UCHL3: variants seen among roughly 807,000 people sequenced by gnomAD.
UCHL3 encodes ubiquitin C-terminal hydrolase L3, also known as ubiquitin carboxyl-terminal hydrolase isozyme L3.
A neutral mutation model predicts 35.8 loss-of-function variants in UCHL3; 22 were observed. The ratio of observed to expected loss-of-function variants is 0.61; its 90% CI spans 0.44 to 0.88. The LOEUF is 0.88. Among genes scored for constraint, UCHL3 ranks in the 40% least tolerant of loss-of-function variants. The probability of loss-of-function intolerance (pLI) is 0.00; values close to 1 mark genes in which losing one functional copy is unlikely to be tolerated. For missense variants in UCHL3, 229 were observed against 276.9 expected, an observed-to-expected ratio of 0.83 and a Z score of 1.23; for synonymous variants, 90 against 92.8, an observed-to-expected ratio of 0.97 and a Z score of 0.17.
At chr13:75,578,956 A>G (rs1297001007) in intron 6 of UCHL3, among the ~76,000 whole-genome samples, 2 of 152,124 alleles carry the variant, frequency 1.3e-5, no homozygotes, top group Non-Finnish European at 2.9e-5. Context: ...TGTCAGTGGC[A>G]GTAAATAGTA....
chr13:75,562,708 A>C (rs1385181607), intron 3 of UCHL3, among the ~76,000 whole-genome samples: 1 of 152,168 alleles, frequency 6.6e-6, no homozygotes, highest in Admixed American at 6.5e-5. Context: ...TTAAAAAGGC[A>C]TATTATCCTT....
intron 1 of UCHL3, 42 bp from the exon 2 acceptor site, chr13:75,549,934 C>G: frequency 1.2e-6 from 2 of 1,614,176 alleles, no homozygotes; most frequent in Non-Finnish European, 1.7e-6. Flanking sequence ...CGCGAGTCCA[C>G]GGTGGTTTGT....
intron 7 of UCHL3, among the ~76,000 whole-genome samples, chr13:75,602,710 C>G (rs2032809170): frequency 6.6e-6 from 1 of 152,150 alleles, no homozygotes; most frequent in East Asian, 1.9e-4. Context: ...GGGCTACATA[C>G]TGTCTTTTAA....
chr13:75,561,745 G>GT (rs1304234899), intron 3 of UCHL3, among the ~76,000 whole-genome samples: 3 of 150,722 alleles, frequency 2.0e-5, no homozygotes. Context: ...ACATATTTTA[G>GT]TCTTTTTTTC....
intron 2 of UCHL3, among the ~76,000 whole-genome samples, chr13:75,552,468 C>T (rs2031145720): frequency 6.6e-6 from 1 of 152,098 alleles, no homozygotes; most frequent in South Asian, 2.1e-4. Flanking sequence ...CTGATGATGC[C>T]TAGTGTTGTA....
At chr13:75,580,438 A>G (rs2032148095) in intron 6 of UCHL3, among the ~76,000 whole-genome samples, 1 of 152,218 alleles carries the variant, frequency 6.6e-6, no homozygotes, top group South Asian at 2.1e-4. Flanking sequence ...ATGTCCTTAC[A>G]CATATGTGTA....
chr13:75,586,171 A>G (rs942538275), intron 6 of UCHL3, among the ~76,000 whole-genome samples: 1 of 152,078 alleles, frequency 6.6e-6, no homozygotes, highest in African/African-American at 2.4e-5. Context: ...GGATGGGAAA[A>G]GATGAACTAT....
intron 3 of UCHL3, among the ~76,000 whole-genome samples, chr13:75,565,879 A>G (rs1394802357): frequency 1.3e-5 from 2 of 152,224 alleles, no homozygotes; most frequent in Admixed American, 6.5e-5. Flanking sequence ...CTAAAGTCAC[A>G]CAGCTAATAA....
chr13:75,601,956 A>C (rs1053070747), intron 7 of UCHL3, among the ~76,000 whole-genome samples: 3 of 151,974 alleles, frequency 2.0e-5, no homozygotes, highest in African/African-American at 7.3e-5. Context: ...AAAAATACAA[A>C]AAATTAGCTG....
chr13:75,600,473 G>T (rs2032752953), intron 7 of UCHL3, among the ~76,000 whole-genome samples: 1 of 152,246 alleles, frequency 6.6e-6, no homozygotes. Context: ...ATGATCATTT[G>T]ATATTCAGAA....
At chr13:75,559,566 A>G (rs1286211626) in intron 2 of UCHL3, among the ~76,000 whole-genome samples, 3 of 152,230 alleles carry the variant, frequency 2.0e-5, no homozygotes, top group Non-Finnish European at 4.4e-5. Flanking sequence ...GTCTTGTCTT[A>G]CAAAACTCAA....
chr13:75,602,712 G>A (rs1159184159), intron 7 of UCHL3, among the ~76,000 whole-genome samples: 1 of 152,150 alleles, frequency 6.6e-6, no homozygotes, highest in Non-Finnish European at 1.5e-5. Context: ...GCTACATACT[G>A]TCTTTTAAAA....
intron 2 of UCHL3, among the ~76,000 whole-genome samples, chr13:75,559,133 G>T (rs954881143): frequency 1.4e-5 from 2 of 143,460 alleles, no homozygotes; most frequent in Admixed American, 1.5e-4. Context: ...TCCGCCTCCC[G>T]GGTTCATGCC....
chr13:75,604,724 C>T (rs1486325279), intron 7 of UCHL3, 45 bp from the exon 8 acceptor site: 7 of 1,528,900 alleles, frequency 4.6e-6, no homozygotes, highest in Non-Finnish European at 6.2e-6. Flanking sequence ...GCACATTATC[C>T]TGTAAAAACA....
intron 7 of UCHL3, among the ~76,000 whole-genome samples, chr13:75,602,889 A>G (rs1281504745): frequency 6.6e-6 from 1 of 152,226 alleles, no homozygotes; most frequent in Non-Finnish European, 1.5e-5. Flanking sequence ...TTGTTTAACA[A>G]TCTTAGTCTA....
At chr13:75,588,075 T>C (rs1177607221) in intron 6 of UCHL3, among the ~76,000 whole-genome samples, 1 of 152,082 alleles carries the variant, frequency 6.6e-6, no homozygotes, top group East Asian at 1.9e-4. Flanking sequence ...CCAATACCCA[T>C]GAAAAAGTAA....
chr13:75,593,401 C>G (rs6562914), intron 6 of UCHL3, among the ~76,000 whole-genome samples: 2,873 of 152,120 alleles, frequency 0.019, 54 homozygotes, highest in Non-Finnish European at 0.027. Flanking sequence ...ACTGTCTTCA[C>G]ATATTTAAAG....
At chr13:75,597,720 T>C (rs2032680322) in intron 7 of UCHL3, among the ~76,000 whole-genome samples, 1 of 152,100 alleles carries the variant, frequency 6.6e-6, no homozygotes, top group Admixed American at 6.6e-5. Flanking sequence ...CTGGAACCAG[T>C]CCCCCACAGA....
chr13:75,573,299 C>T, intron 6 of UCHL3, among the ~76,000 whole-genome samples: 1 of 150,424 alleles, frequency 6.6e-6, no homozygotes, highest in East Asian at 2.0e-4. Context: ...CATCTCTCAT[C>T]TATGGGCTTA....
Sources: gnomAD v4.1 joint callset for allele counts (sites outside exome capture counted in the v4.1 genomes callset) on GRCh38, gnomAD v4.1.1 for gene constraint, MANE v1.5 for transcripts, NCBI Gene and HGNC (gene_info 2026-07-23, HGNC 2026-07-21) for gene names.